INSYN2A: variants seen among roughly 807,000 people sequenced by gnomAD.
INSYN2A encodes the protein inhibitory synaptic factor 2A, also known as family with sequence similarity 196 member A.
Under a neutral mutation model 39.4 loss-of-function variants are expected in INSYN2A, and 17 were observed. The ratio of observed to expected loss-of-function variants is 0.43; its 90% CI spans 0.30 to 0.65. The LOEUF (loss-of-function observed/expected upper bound fraction) is 0.65. Ranked by LOEUF, INSYN2A falls within the 30% of genes least tolerant of loss-of-function variation. The pLI is 0.14. For missense variants in INSYN2A, 595 were observed against 631.2 expected, an observed-to-expected ratio of 0.94 and a Z score of 0.61; for synonymous variants, 255 against 265.7, an observed-to-expected ratio of 0.96 and a Z score of 0.39.
At chr10:127,152,789 G>T (rs960610319) in intron 5 of INSYN2A, among the ~76,000 whole-genome samples, 1 of 152,196 alleles carries the variant, frequency 6.6e-6, no homozygotes, top group Non-Finnish European at 1.5e-5. Context: ...GTGGCCTTCG[G>T]TGCCTATCTC....
chr10:127,193,776 C>G (rs1015033105), intron 1 of INSYN2A, among the ~76,000 whole-genome samples: 3 of 150,450 alleles, frequency 2.0e-5, no homozygotes, highest in Non-Finnish European at 2.9e-5. Context: ...GAGGGAGAAA[C>G]AAAACACAAA....
chr10:127,146,263 C>G (rs2051842074), intron 5 of INSYN2A: 1 of 230,754 alleles, frequency 4.3e-6, no homozygotes, highest in Non-Finnish European at 8.6e-6. Flanking sequence ...TAAATTTTAA[C>G]TAATTGTTTC....
At chr10:127,141,166 C>T (rs1443371933) in intron 5 of INSYN2A, among the ~76,000 whole-genome samples, 1 of 152,208 alleles carries the variant, frequency 6.6e-6, no homozygotes, top group Non-Finnish European at 1.5e-5. Context: ...GTTGTCTGAC[C>T]ACCTTCCCAA....
chr10:127,144,843 G>T (rs903775286), intron 5 of INSYN2A, among the ~76,000 whole-genome samples: 2 of 152,122 alleles, frequency 1.3e-5, no homozygotes, highest in Non-Finnish European at 2.9e-5. Context: ...TATCACTGTA[G>T]GGCTTCAAAT....
intron 2 of INSYN2A, among the ~76,000 whole-genome samples, chr10:127,181,028 C>G (rs932858434): frequency 2.0e-5 from 3 of 152,046 alleles, no homozygotes; most frequent in African/African-American, 7.2e-5. Flanking sequence ...AAGCAGGCCT[C>G]TGGAAGGCAT....
chr10:127,160,630 AT>A (rs560424910), intron 4 of INSYN2A, among the ~76,000 whole-genome samples: 119 of 152,342 alleles, frequency 7.8e-4, no homozygotes, highest in African/African-American at 2.8e-3. Context: ...GGTCTTCAAA[AT>A]GTTCATTACA....
At position 127,137,541 on chromosome 10, in the gene INSYN2A, G is replaced by A; in HGVS notation, c.*296C>T. On this transcript the variant is annotated 3_prime_UTR_variant, in exon 6 of 6. Transcript: ENST00000522781. ...CTCGCAGGTTGATAATGTATTACTTGCAGATCGGGGGTGGGGGAAAATTTT... is the reference window on the plus strand; with the variant it reads ...CTCGCAGGTTGATAATGTATTACTTACAGATCGGGGGTGGGGGAAAATTTT... 3.4e-6 allele frequency: 1 copy of A among 295,472 alleles called. No individual in the cohort carries two copies. Among genetic ancestry groups the A allele is most frequent in the Non-Finnish European group, 6.3e-6 (1 of 159,944 alleles). The allele number at this position is 295,472 out of a possible 1,614,324, so 18.3% of individuals were successfully genotyped here.
intron 2 of INSYN2A, among the ~76,000 whole-genome samples, chr10:127,178,149 A>C (rs1228253440): frequency 2.6e-5 from 4 of 152,222 alleles, no homozygotes; most frequent in Admixed American, 6.5e-5. Flanking sequence ...CTAGCCCTCT[A>C]TTAAAATGAC....
chr10:127,147,236 T>A (rs1221525349), intron 5 of INSYN2A, among the ~76,000 whole-genome samples: 1 of 152,188 alleles, frequency 6.6e-6, no homozygotes, highest in Non-Finnish European at 1.5e-5. Context: ...TTCTCCAGCC[T>A]GTCTAAGGGG....
At chr10:127,148,289 A>C (rs1428355269) in intron 5 of INSYN2A, among the ~76,000 whole-genome samples, 2 of 152,212 alleles carry the variant, frequency 1.3e-5, no homozygotes, top group East Asian at 3.9e-4. Context: ...TGAAGCAGAC[A>C]CAGCGTGCTC....
intron 2 of INSYN2A, among the ~76,000 whole-genome samples, chr10:127,186,507 G>GACCCCCCCCCCC (rs2056257465): frequency 1.7e-4 from 1 of 5,912 alleles, no homozygotes; most frequent in Non-Finnish European, 5.3e-4. Context: ...GGGAGAAACC[G>GACCCCCCCCCCC]CCCCCCCGCC....
intron 5 of INSYN2A, among the ~76,000 whole-genome samples, chr10:127,148,433 T>G (rs1313495529): frequency 6.6e-6 from 1 of 152,234 alleles, no homozygotes; most frequent in Non-Finnish European, 1.5e-5. Flanking sequence ...TAAATCTTGC[T>G]TTCATCTCCA....
At chr10:127,159,425 A>G (rs559033286) in intron 4 of INSYN2A, among the ~76,000 whole-genome samples, 1 of 152,202 alleles carries the variant, frequency 6.6e-6, no homozygotes, top group Non-Finnish European at 1.5e-5. Flanking sequence ...AGTTGTTACT[A>G]TCAGCAATTC....
Position 127,176,115 on chromosome 10 carries a change from C to G in INSYN2A, c.281G>C (p.Arg94Thr), listed in dbSNP as rs780369218. 8 of 1,614,126 alleles carry G rather than the reference C, an allele frequency of 5.0e-6. No homozygotes were observed. The highest frequency in any genetic ancestry group is 2.2e-5 in the South Asian group (2 of 91,084). ...YRKYMTVPAR[R>T]SIPNVTKSTG... Reference sequence around the variant, plus strand: ...GCTCTTGGTGACGTTGGGGATGGACCTGCGTGCGGGCACTGTCATGTATTT... The same window carrying G: ...GCTCTTGGTGACGTTGGGGATGGACGTGCGTGCGGGCACTGTCATGTATTT... Residue 94 changes from arginine (R) to threonine (T), a missense_variant, in exon 4 of 6, where the codon AGG becomes ACG. This residue lies in a region of INSYN2A where 478 missense variants were observed against 467.4 expected (regional missense o/e 1.02). Transcript: ENST00000522781. This position sits in a 1 kb window ranked among gnomAD's most constrained non-coding sequence, Gnocchi z 4.4.
intron 2 of INSYN2A, among the ~76,000 whole-genome samples, chr10:127,192,117 T>C (rs2056798885): frequency 6.6e-6 from 1 of 152,226 alleles, no homozygotes; most frequent in Non-Finnish European, 1.5e-5. Flanking sequence ...TTCATATGAA[T>C]GTATGCTGTG....
rs750506550 is a variant in INSYN2A, at chr10:127,195,120, G to C, written c.-395+877C>G. Among the ~76,000 whole-genome samples, 30 of 152,176 alleles carry C rather than the reference G, an allele frequency of 2.0e-4. 1 individual carries two copies. Among genetic ancestry groups the C allele is most frequent in the Non-Finnish European group, 2.9e-4 (20 of 68,032 alleles). On this transcript the variant is annotated intron_variant, in intron 1 of 5. Transcript: ENST00000522781. ...CCCTGTGGCATATTTTTGGGTAGTA[G>C]AATGCTGAGGTCACAGGGAGCGGCT...
chr10:127,158,687 A>G (rs1445401043), intron 4 of INSYN2A, among the ~76,000 whole-genome samples: 1 of 152,202 alleles, frequency 6.6e-6, no homozygotes, highest in Non-Finnish European at 1.5e-5. Context: ...ATAAATTGTG[A>G]AAAGTTCTAG....
At chr10:127,156,197 A>C (rs2053028503) in intron 4 of INSYN2A, among the ~76,000 whole-genome samples, 1 of 152,264 alleles carries the variant, frequency 6.6e-6, no homozygotes, top group South Asian at 2.1e-4. Flanking sequence ...CCAGTGTCCA[A>C]GTTTCCCAGT....
In INSYN2A at chr10:127,137,586, C is replaced by T. The variant is rs922448789; in HGVS notation, c.*251G>A. 99 of 392,176 alleles carry T rather than the reference C, an allele frequency of 2.5e-4. No homozygotes were observed. The highest frequency in any genetic ancestry group is 1.6e-3 in the African/African-American group (79 of 48,766). 24.3% of individuals were successfully genotyped at this position (392,176 alleles called of 1,614,324 possible). On this transcript the variant is annotated 3_prime_UTR_variant, in exon 6 of 6. Transcript: ENST00000522781. ...AATTTTTACTTATCATCTTTGACTA[C>T]GTAAGTTTCATTTCAGATTTTACAT...
Sources: gnomAD v4.1 joint callset for allele counts (sites outside exome capture counted in the v4.1 genomes callset) on GRCh38, gnomAD v4.1.1 for gene constraint, gnomAD v4.1.1 regional missense constraint, Gnocchi (gnomAD v3.1) non-coding constraint, MANE v1.5 for transcripts, NCBI Gene and HGNC (gene_info 2026-07-23, HGNC 2026-07-21) for gene names.